The following PDE1C variants were observed in gnomAD, a reference collection of about 807,000 sequenced individuals.
PDE1C encodes the protein phosphodiesterase 1C.
Under a neutral mutation model 93.1 loss-of-function variants are expected in PDE1C, and 62 were observed. That is an observed-to-expected ratio of 0.67 (90% CI 0.54 to 0.82). The LOEUF is 0.82. Among genes scored for constraint, PDE1C ranks in the 40% least tolerant of loss-of-function variants. The pLI, the probability that PDE1C is intolerant of heterozygous loss-of-function variation, is 0.00. For synonymous variants in PDE1C, 325 were observed against 310.1 expected (o/e 1.05, Z -0.50); for missense variants, 742 against 884.6 (o/e 0.84, Z 2.04).
intron 2 of PDE1C, among the ~76,000 whole-genome samples, chr7:32,181,385 C>A (rs1803410226): frequency 6.6e-6 from 1 of 152,122 alleles, no homozygotes. Context: ...CAAAACTGAC[C>A]ACATAGTTGG....
intron 2 of PDE1C, among the ~76,000 whole-genome samples, chr7:32,040,865 C>T (rs975254565): frequency 6.6e-6 from 1 of 152,082 alleles, no homozygotes; most frequent in East Asian, 1.9e-4. Flanking sequence ...TCTTTAAGTC[C>T]TATTCCATGT....
chr7:31,661,951 A>C, the PDE1C span, among the ~76,000 whole-genome samples: 4 of 152,098 alleles, frequency 2.6e-5, no homozygotes, highest in African/African-American at 7.2e-5. Context: ...TGGCTCACAT[A>C]TACACATATC....
intron 2 of PDE1C, among the ~76,000 whole-genome samples, chr7:31,909,164 C>T (rs143050376): frequency 6.8e-4 from 103 of 152,198 alleles, no homozygotes; most frequent in African/African-American, 2.3e-3. Flanking sequence ...TGTCCTCTTA[C>T]GTGGTAAAGG....
chr7:31,794,873 A>AAAC (rs1465488148), intron 16 of PDE1C, among the ~76,000 whole-genome samples: 1 of 151,996 alleles, frequency 6.6e-6, no homozygotes, highest in Non-Finnish European at 1.5e-5. Flanking sequence ...TTTAGACATG[A>AAAC]AACATTCTGA....
At chr7:32,130,770 A>G (rs1212222930) in intron 3 of PDE1C, among the ~76,000 whole-genome samples, 1 of 152,108 alleles carries the variant, frequency 6.6e-6, no homozygotes, top group African/African-American at 2.4e-5. Context: ...CACCATGCAC[A>G]TCATGTTGAA....
chr7:32,394,493 T>C (rs1784806077), intron 1 of PDE1C, among the ~76,000 whole-genome samples: 1 of 152,220 alleles, frequency 6.6e-6, no homozygotes, highest in Non-Finnish European at 1.5e-5. Context: ...TCACTCTTAG[T>C]TCCTGTGAGA....
chr7:31,790,064 C>T, intron 16 of PDE1C: 1 of 1,403,344 alleles, frequency 7.1e-7, no homozygotes, highest in Non-Finnish European at 9.3e-7. Flanking sequence ...AAGATTCATC[C>T]CCTGGAAGGA....
intron 17 of PDE1C, among the ~76,000 whole-genome samples, chr7:31,761,957 A>G (rs1583965298): frequency 6.6e-6 from 1 of 152,210 alleles, no homozygotes; most frequent in African/African-American, 2.4e-5. Context: ...GGTAAGAATA[A>G]AAATATATCA....
At chr7:31,739,806 C>T in the PDE1C span, among the ~76,000 whole-genome samples, 14 of 152,204 alleles carry the variant, frequency 9.2e-5, no homozygotes, top group African/African-American at 3.1e-4. Flanking sequence ...TTAGTGTCCT[C>T]ACCCAAGGAG....
chr7:31,993,060 C>T (rs1784327945), intron 2 of PDE1C, among the ~76,000 whole-genome samples: 1 of 152,128 alleles, frequency 6.6e-6, no homozygotes, highest in South Asian at 2.1e-4. Flanking sequence ...CTTATGGATG[C>T]TTTTCATAGT....
At chr7:31,658,420 A>C in the PDE1C span, 3,054 of 1,477,492 alleles carry the variant, frequency 2.1e-3, 7 homozygotes, top group Non-Finnish European at 2.4e-3. Context: ...GAAAATAATC[A>C]GTTTCCAGAG....
At chr7:32,029,450 A>G (rs1404072162) in intron 2 of PDE1C, among the ~76,000 whole-genome samples, 1 of 152,124 alleles carries the variant, frequency 6.6e-6, no homozygotes, top group African/African-American at 2.4e-5. Context: ...ACCTTTTCAC[A>G]CTGTTTGGAA....
rs1352432130 is a variant in PDE1C at position 31,850,060 on chromosome 7, C to T, written c.851+581G>A. On this transcript the variant is annotated intron_variant, in intron 8 of 17. Coordinates refer to ENST00000396191, the MANE Select transcript of PDE1C (RefSeq NM_001191057.4). ...GTCTCCGACGGGAGGTTTGTGATTA[C>T]CTGTGCAGTCCATTAGGAAGGATGC... Among the ~76,000 whole-genome samples the T allele has an allele frequency of 2.6e-5, 4 of 152,016 alleles. No individual in the cohort carries two copies. In the East Asian group the frequency reaches 7.8e-4, roughly 29 times the overall value.
At chr7:32,321,832 TTTCAAACCCGATCAGTTG>T in intron 1 of PDE1C, among the ~76,000 whole-genome samples, 1 of 152,324 alleles carries the variant, frequency 6.6e-6, no homozygotes, top group South Asian at 2.1e-4. Context: ...GAAGTTCCCA[TTTCAAACCCGATCAGTTG>T]TTCAAATCTC....
intron 2 of PDE1C, among the ~76,000 whole-genome samples, chr7:31,907,820 T>A (rs1007509115): frequency 2.6e-5 from 4 of 152,102 alleles, no homozygotes; most frequent in Admixed American, 2.6e-4. Context: ...AATATGCTTG[T>A]ACAGAGTAAT....
At chr7:32,176,488 T>C (rs1802994580) in intron 2 of PDE1C, among the ~76,000 whole-genome samples, 1 of 151,984 alleles carries the variant, frequency 6.6e-6, no homozygotes, top group Non-Finnish European at 1.5e-5. Flanking sequence ...GTTTTTACTT[T>C]TGAATAATGT....
chr7:31,642,161 T>G, the PDE1C span: 2 of 1,549,220 alleles, frequency 1.3e-6, no homozygotes, highest in South Asian at 1.2e-5. Context: ...CCTCAAGACC[T>G]CTTTCATTCT....
In PDE1C at chr7:32,287,467, G is replaced by A. The variant is rs1287665516; in HGVS notation, c.85+11184C>T. Among the ~76,000 whole-genome samples, 5 of 152,320 alleles carry A rather than the reference G, an allele frequency of 3.3e-5. 1 individual carries two copies. The Middle Eastern group carries it at 0.017, about 518-fold the overall frequency. On this transcript the variant is annotated intron_variant, in intron 1 of 18. Coordinates refer to the PDE1C transcript ENST00000396193. Reference sequence around the variant, plus strand: ...TGCTGGGCATGACCACAGCACCCTGGCCTTGCCATCAGAGGACTAAGCACA... The same window carrying A: ...TGCTGGGCATGACCACAGCACCCTGACCTTGCCATCAGAGGACTAAGCACA...
At chr7:31,834,166 T>A (rs1274788605) in intron 11 of PDE1C, among the ~76,000 whole-genome samples, 1 of 152,240 alleles carries the variant, frequency 6.6e-6, no homozygotes, top group Non-Finnish European at 1.5e-5. Context: ...CGCCTAGATT[T>A]CAGAGGATGT....
Sources: gnomAD v4.1 joint callset for allele counts (sites outside exome capture counted in the v4.1 genomes callset) on GRCh38, gnomAD v4.1.1 for gene constraint, MANE v1.5 for transcripts, NCBI Gene and HGNC (gene_info 2026-07-23, HGNC 2026-07-21) for gene names.